Variants in ACIN1 observed in about 807,000 individuals in gnomAD.
The protein encoded by ACIN1 is apoptotic chromatin condensation inducer in the nucleus.
A neutral mutation model predicts 146.6 loss-of-function variants in ACIN1; 16 were observed. The ratio of observed to expected loss-of-function variants is 0.11; its 90% CI spans 0.07 to 0.17. ACIN1 has a LOEUF of 0.17. Ranked by LOEUF, ACIN1 falls within the 10% of genes least tolerant of loss-of-function variation. ACIN1 has a pLI of 1.00. For missense variants in ACIN1, 1,357 were observed against 1,609.3 expected (o/e 0.84, Z 2.68); for synonymous variants, 569 against 582.7 (o/e 0.98, Z 0.34).
intron 10 of ACIN1, chr14:23,064,757 C>T (rs566298491): frequency 2.7e-6 from 1 of 366,526 alleles, no homozygotes; most frequent in Non-Finnish European, 5.1e-6. Context: ...ATTAGCCAGG[C>T]GTTGTGGTGC....
rs1481923058 is a variant in ACIN1 at position 23,062,410 on chromosome 14, C to A, written c.2991+6G>T. On this transcript the variant is annotated splice_donor_region_variant and intron_variant, in intron 15 of 18. Transcript: ENST00000605057. ...ATGACCTATAGAATCAGCTTCTTCC[C>A]CTCACCGTTACAAAGCAATGAGATT... 6.2e-7 allele frequency: 1 copy of A among 1,613,830 alleles called. No individual in the cohort carries two copies. The highest frequency in any genetic ancestry group is 1.3e-5 in the African/African-American group (1 of 74,900).
chr14:23,078,140 A>AT lies in ACIN1; in HGVS notation c.2123+10dup, dbSNP rs1820196837. On this transcript the variant is annotated intron_variant, in intron 8 of 18. Coordinates refer to ENST00000605057, the MANE Select transcript of ACIN1 (RefSeq NM_001386863.1). Reference sequence around the variant, plus strand: ...TTCCCTGTTATACCCCGGTCGAGATATATCACTTACACAGTGTGATGAATT... The same window carrying AT: ...TTCCCTGTTATACCCCGGTCGAGATATTATCACTTACACAGTGTGATGAATT... The AT allele has an allele frequency of 6.2e-7, 1 of 1,613,016 alleles. No homozygotes were observed. The highest frequency in any genetic ancestry group is 8.5e-7 in the Non-Finnish European group (1 of 1,179,162).
chr14:23,067,223 A>AAAAAT lies in ACIN1; in HGVS notation c.2266-1220_2266-1216dup. 3 of 827,922 alleles carry AAAAAT rather than the reference A, an allele frequency of 3.6e-6. No individual in the cohort carries two copies. Among genetic ancestry groups the AAAAAT allele is most frequent in the Non-Finnish European group, 4.4e-6 (3 of 686,104 alleles). The allele number at this position is 827,922 out of a possible 1,614,324, so 51.3% of individuals were successfully genotyped here. On this transcript the variant is annotated intron_variant, in intron 9 of 18. Transcript: ENST00000605057. This position sits in a 1 kb window ranked among gnomAD's most constrained non-coding sequence, Gnocchi z 4.6. ...AATCAGAAAAAATAAAGATATAGAA[A>AAAAAT]AAAATAAAATAAAATATTAAAAAAA... is the stretch of plus-strand genomic sequence containing the variant.
chr14:23,070,966 G>A (rs781342865), intron 8 of ACIN1, among the ~76,000 whole-genome samples: 6 of 152,124 alleles, frequency 3.9e-5, no homozygotes, highest in Non-Finnish European at 8.8e-5. Context: ...GGGCATGTGG[G>A]GCCAATTAGA....
upstream of ACIN1, chr14:23,095,237 A>G (rs1566763449): frequency 1.2e-6 from 2 of 1,611,142 alleles, no homozygotes; most frequent in Non-Finnish European, 1.7e-6. Flanking sequence ...ATTACCACTC[A>G]GAACTCCCCG....
intron 18 of ACIN1, among the ~76,000 whole-genome samples, chr14:23,060,349 C>T (rs561881170): frequency 4.6e-5 from 7 of 152,114 alleles, no homozygotes; most frequent in Admixed American, 1.3e-4. Flanking sequence ...AGCTCCCTAC[C>T]GTCAGCGTAG....
Position 23,080,178 on chromosome 14 carries a change from G to T in ACIN1, c.1157C>A (p.Pro386Gln). 1 of 1,614,146 alleles carries T rather than the reference G, an allele frequency of 6.2e-7. No homozygotes were observed. The highest frequency in any genetic ancestry group is 8.5e-7 in the Non-Finnish European group (1 of 1,180,004). Residue 386 changes from proline (P) to glutamine (Q), a missense_variant, in exon 6 of 19, where the codon CCA (proline) becomes CAA (glutamine). By Grantham distance (76) the Pro-to-Gln change is moderately conservative. Around this residue, in one of 4 missense-constraint regions of ACIN1, gnomAD observed 771 missense variants for 746.6 expected, o/e 1.03. Transcript: ENST00000605057. Reference protein sequence around the residue: ...SEEEIEPMEGPAPAVLIQLSP... With the variant: ...SEEEIEPMEGQAPAVLIQLSP... ...TAACTGAATGAGGACAGCGGGGGCT[G>T]GGCCTTCCATGGGCTCTATTTCTTC...
In ACIN1 at chr14:23,090,445, A is replaced by G. The variant is rs1218333203; in HGVS notation, c.316+77T>C. Reference sequence around the variant, plus strand: ...GCCTCACTTATTTCTGAAATTGTCTAGTTAGACAGGCCTATCTACTTGGTG... The same window carrying G: ...GCCTCACTTATTTCTGAAATTGTCTGGTTAGACAGGCCTATCTACTTGGTG... On this transcript the variant is annotated intron_variant, in intron 3 of 18. Coordinates refer to ENST00000605057, the MANE Select transcript of ACIN1 (RefSeq NM_001386863.1). 6 of 1,271,318 alleles carry G rather than the reference A, an allele frequency of 4.7e-6. No homozygotes were observed. The East Asian group carries it at 1.4e-4, about 30-fold the overall frequency. 78.8% of individuals were successfully genotyped at this position (1,271,318 alleles called of 1,614,324 possible).
In ACIN1 at chr14:23,063,419, C is replaced by G. The variant is rs762335938; in HGVS notation, c.2737+17G>C. ...TCAGGGAGCCGCATTACATTTCTCT[C>G]ACAATATGTCACTCACCTTTCTTTA... On this transcript the variant is annotated intron_variant, in intron 13 of 18. Transcript: ENST00000605057. 1 of 1,610,478 alleles carries G rather than the reference C, an allele frequency of 6.2e-7. No individual in the cohort carries two copies. The highest frequency in any genetic ancestry group is 2.2e-5 in the East Asian group (1 of 44,842).
rs756765563 is a variant in ACIN1 at position 23,068,805 on chromosome 14, G to C, written c.2265+671C>G. ...CACACACAACAGTCCCTCCCACCTT[G>C]TTACCCCTCTCCTAAACCCAGCTCA... On this transcript the variant is annotated intron_variant, in intron 9 of 18. Coordinates refer to ENST00000605057, the MANE Select transcript of ACIN1 (RefSeq NM_001386863.1). This position sits in a 1 kb window ranked among gnomAD's most constrained non-coding sequence, Gnocchi z 4.3. 5.1e-6 allele frequency: 5 copies of C among 985,310 alleles called. No homozygotes were observed. The highest frequency in any genetic ancestry group is 6.0e-6 in the Non-Finnish European group (5 of 829,918). The allele number at this position is 985,310 out of a possible 1,614,324, so 61.0% of individuals were successfully genotyped here. A position where few individuals can be genotyped will look rare whatever the true frequency, so the allele number is the denominator to read the frequency against.
rs531840032 is a variant in ACIN1, at chr14:23,059,683, C to T, written c.3526-209G>A. 5.3e-5 allele frequency among the ~76,000 whole-genome samples: 8 copies of T among 150,524 alleles called. No homozygotes were observed. In the South Asian group the frequency reaches 1.5e-3, roughly 28 times the overall value. ...TTTTTTTTTTTCTGAGACGGAGTCT[C>T]GCTCCGTCGCCCAGGCTGGGAGTGC... On this transcript the variant is annotated intron_variant, in intron 18 of 18. Transcript: ENST00000605057.
At chr14:23,078,092 G>T in intron 8 of ACIN1, 59 bp downstream of exon 8, 1 of 1,503,064 alleles carries the variant, frequency 6.7e-7, no homozygotes, top group Non-Finnish European at 9.2e-7. Context: ...CCTAGGGAGC[G>T]AAGAACTATC....
intron 9 of ACIN1, chr14:23,069,057 G>A: frequency 1.0e-6 from 1 of 988,284 alleles, no homozygotes; most frequent in Non-Finnish European, 1.2e-6. Flanking sequence ...TTCTCAGCAT[G>A]GCTGGTCTGG....
intron 16 of ACIN1, among the ~76,000 whole-genome samples, 195 bp from the exon 17 acceptor site, chr14:23,061,817 CA>C (rs1174086281): frequency 1.1e-4 from 17 of 151,736 alleles, no homozygotes; most frequent in East Asian, 3.9e-4. Flanking sequence ...ACTGAAAATA[CA>C]AAAAAATTAG....
chr14:23,079,860 G>A lies in ACIN1; in HGVS notation c.1475C>T (p.Pro492Leu). ...TCTGCCTTCCTTCTGTTCCAAAGAT[G>A]GCTGTTTCAGACATTCTTCAGTGAT... ...KGITEECLKQPSLEQKEGRRA... is the reference protein window; with the variant it reads ...KGITEECLKQLSLEQKEGRRA... Residue 492 changes from proline to leucine, a missense_variant, in exon 6 of 19, where the codon CCA becomes CTA. Pro to Leu is a moderately conservative substitution (Grantham distance 98). Transcript: ENST00000605057. 1.2e-6 allele frequency: 2 copies of A among 1,614,174 alleles called. No individual in the cohort carries two copies. The highest frequency in any genetic ancestry group is 1.7e-6 in the Non-Finnish European group (2 of 1,180,032).
chr14:23,061,970 T>TAAAAAA (rs1472552627), intron 16 of ACIN1, among the ~76,000 whole-genome samples, 198 bp downstream of exon 16: 1 of 47,954 alleles, frequency 2.1e-5, no homozygotes, highest in Non-Finnish European at 3.4e-5. Context: ...AGACTCTGTC[T>TAAAAAA]CAAAAAAAAA....
chr14:23,081,393 C>G (rs906508367), intron 5 of ACIN1, among the ~76,000 whole-genome samples: 3 of 152,094 alleles, frequency 2.0e-5, no homozygotes, highest in Non-Finnish European at 4.4e-5. Context: ...ACTTAGAAAT[C>G]TAAAAGGCAG....
At position 23,067,398 on chromosome 14, in the gene ACIN1, C is replaced by G; in HGVS notation, c.2266-1390G>C. 1.0e-6 allele frequency: 1 copy of G among 985,200 alleles called. No homozygotes were observed. The highest frequency in any genetic ancestry group is 1.2e-6 in the Non-Finnish European group (1 of 829,894). 61.0% of individuals were successfully genotyped at this position (985,200 alleles called of 1,614,324 possible). ...GTCCAATCAGAATGAGCCCTCCCTG[C>G]TAGGCGCTGTGCAATTGGTGGGGGG... On this transcript the variant is annotated intron_variant, in intron 9 of 18. Coordinates refer to ENST00000605057, the MANE Select transcript of ACIN1 (RefSeq NM_001386863.1). This position sits in a 1 kb window ranked among gnomAD's most constrained non-coding sequence, Gnocchi z 4.6.
At chr14:23,066,694 T>A (rs1275035110) in intron 9 of ACIN1, among the ~76,000 whole-genome samples, 3 of 152,194 alleles carry the variant, frequency 2.0e-5, no homozygotes, top group Non-Finnish European at 2.9e-5. Flanking sequence ...AAGGTTTTTA[T>A]GAAGGGCAGA....
Sources: allele counts gnomAD v4.1 joint callset (sites outside exome capture counted in the v4.1 genomes callset), GRCh38; gene constraint gnomAD v4.1.1; regional missense constraint gnomAD v4.1.1; non-coding constraint Gnocchi (gnomAD v3.1); transcripts MANE v1.5; gene names NCBI Gene and HGNC (gene_info 2026-07-23, HGNC 2026-07-21).